Variants in RNF214 observed in about 807,000 individuals in gnomAD.
The protein encoded by RNF214 is ring finger protein 214.
RNF214 carries 25 observed loss-of-function variants against 75.9 expected under a neutral mutation model. The observed-to-expected ratio is 0.33, with a 90% CI of 0.24 to 0.46. RNF214 has a LOEUF of 0.46. Among genes scored for constraint, RNF214 ranks in the 20% least tolerant of loss-of-function variants. RNF214 has a pLI of 1.00. For missense variants in RNF214, 725 were observed against 857.5 expected, an observed-to-expected ratio of 0.85 and a Z score of 1.93; for synonymous variants, 314 against 308.8, an observed-to-expected ratio of 1.02 and a Z score of -0.18.
chr11:117,269,425 G>A (rs2033861943), intron 6 of RNF214, among the ~76,000 whole-genome samples: 1 of 152,120 alleles, frequency 6.6e-6, no homozygotes, highest in Non-Finnish European at 1.5e-5. Flanking sequence ...GCAGTGGCAT[G>A]ATCATGGCTC....
intron 6 of RNF214, among the ~76,000 whole-genome samples, chr11:117,259,249 G>T (rs567499994): frequency 1.3e-5 from 2 of 152,260 alleles, no homozygotes; most frequent in South Asian, 2.1e-4. Flanking sequence ...GAGCTACCGT[G>T]CCCGGCTTTA....
rs1392628531 is a variant in RNF214 at position 117,246,989 on chromosome 11, T to G, written c.959+41T>G. On this transcript the variant is annotated intron_variant, in intron 6 of 14. Coordinates refer to ENST00000300650, the MANE Select transcript of RNF214 (RefSeq NM_207343.4). ...AATAAAAACCCTGTGTGTATGTATA[T>G]ATGCATGAGGGGCCAGACCCGTTTG... 4.1e-6 allele frequency: 6 copies of G among 1,477,772 alleles called. No individual in the cohort carries two copies. In the South Asian group the frequency reaches 8.7e-5, roughly 21 times the overall value. The allele number at this position is 1,477,772 out of a possible 1,614,324, so 91.5% of individuals were successfully genotyped here.
chr11:117,285,490 C>G lies in RNF214; in HGVS notation c.*339C>G. ...AACCACCTAGGAACCTGCTGTTGCT[C>G]TAAGGCCATTCTGCTTTGGTTTGGC... On this transcript the variant is annotated 3_prime_UTR_variant, in exon 15 of 15. Coordinates refer to ENST00000300650, the MANE Select transcript of RNF214 (RefSeq NM_207343.4). 5.3e-6 allele frequency: 1 copy of G among 187,768 alleles called. No homozygotes were observed. The highest frequency in any genetic ancestry group is 1.1e-4 in the South Asian group (1 of 9,396). 11.6% of individuals were successfully genotyped at this position (187,768 alleles called of 1,614,324 possible).
intron 4 of RNF214, 133 bp from the exon 5 acceptor site, chr11:117,244,312 A>T (rs1198221446): frequency 1.5e-6 from 1 of 648,210 alleles, no homozygotes; most frequent in Non-Finnish European, 2.6e-6. Context: ...ATATAGCCAC[A>T]TATGGCTAGT....
chr11:117,240,115 A>G (rs937882606), intron 4 of RNF214, among the ~76,000 whole-genome samples: 13 of 151,208 alleles, frequency 8.6e-5, no homozygotes, highest in African/African-American at 2.9e-4. Context: ...CATTTTGGGA[A>G]GCCGAAGTGG....
At chr11:117,257,709 GAAT>G (rs1565337931) in intron 6 of RNF214, among the ~76,000 whole-genome samples, 1 of 152,084 alleles carries the variant, frequency 6.6e-6, no homozygotes, top group East Asian at 1.9e-4. Flanking sequence ...AAGACAAAAA[GAAT>G]AATGAGAGAA....
chr11:117,281,897 G>A lies in RNF214; in HGVS notation c.1339G>A (p.Asp447Asn), dbSNP rs775076399. The A allele has an allele frequency of 1.9e-6, 3 of 1,612,792 alleles. No homozygotes were observed. In the South Asian group the frequency reaches 3.3e-5, roughly 18 times the overall value. Residue 447 changes from aspartate to asparagine, a missense_variant, in exon 11 of 15, where the codon GAC becomes AAC. By Grantham distance (23) the Asp-to-Asn change is conservative. Around this residue, in one of 2 missense-constraint regions of RNF214, gnomAD observed 363 missense variants for 513.0 expected, o/e 0.71. Transcript: ENST00000300650. ...PTLPPPPSET[D>N]FMLQVFQPSP... ...CTCTACCTCTTCTCCTCTGCAGACA[G>A]ACTTCATGCTTCAGGTGTTTCAACC...
At chr11:117,276,590 C>T (rs1378098958) in intron 6 of RNF214, among the ~76,000 whole-genome samples, 1 of 151,986 alleles carries the variant, frequency 6.6e-6, no homozygotes, top group African/African-American at 2.4e-5. Flanking sequence ...ACAGTGAAAC[C>T]CTCTCTCTAA....
chr11:117,264,820 T>G (rs1377616409), intron 6 of RNF214, among the ~76,000 whole-genome samples: 1 of 152,060 alleles, frequency 6.6e-6, no homozygotes, highest in Non-Finnish European at 1.5e-5. Flanking sequence ...TCTCAGCACT[T>G]TGGGAAGCCA....
intron 6 of RNF214, among the ~76,000 whole-genome samples, chr11:117,278,283 GAC>G (rs1021706897): frequency 6.6e-6 from 1 of 152,168 alleles, no homozygotes; most frequent in African/African-American, 2.4e-5. Context: ...TAGCCTGGGT[GAC>G]AGAGTGAGAC....
rs564228881 is a variant in RNF214, at chr11:117,232,980, C to G, written c.-7+254C>G. Reference sequence around the variant, plus strand: ...CCGAGCCAGCGGCCAGCCTAGCAGTCCCCTGTGGGGGGTGGCCAAGGCCAC... The same window carrying G: ...CCGAGCCAGCGGCCAGCCTAGCAGTGCCCTGTGGGGGGTGGCCAAGGCCAC... On this transcript the variant is annotated intron_variant, in intron 1 of 14. Coordinates refer to ENST00000300650, the MANE Select transcript of RNF214 (RefSeq NM_207343.4). Among the ~76,000 whole-genome samples, 7 of 152,012 alleles carry G rather than the reference C, an allele frequency of 4.6e-5. No homozygotes were observed. The South Asian group carries it at 1.5e-3, about 32-fold the overall frequency.
rs1273142446 is a variant in RNF214, at chr11:117,238,987, G to C, written c.494G>C (p.Arg165Thr). 1.9e-6 allele frequency: 3 copies of C among 1,614,064 alleles called. No homozygotes were observed. In the African/African-American group the frequency reaches 4.0e-5, roughly 22 times the overall value. Residue 165 changes from arginine (R) to threonine (T), a missense_variant, in exon 3 of 15, where the codon AGG becomes ACG. This residue lies in a region of RNF214 where 362 missense variants were observed against 344.5 expected (regional missense o/e 1.05). Coordinates refer to ENST00000300650, the MANE Select transcript of RNF214 (RefSeq NM_207343.4). Reference sequence around the variant, plus strand: ...ACCTCCATCCTAAAGGAAGGTAACAGGGACACAAGCTTGGATTTCCGACCT... The same window carrying C: ...ACCTCCATCCTAAAGGAAGGTAACACGGACACAAGCTTGGATTTCCGACCT... ...PQTSILKEGN[R>T]DTSLDFRPVV...
At chr11:117,275,129 A>G (rs558405335) in intron 6 of RNF214, among the ~76,000 whole-genome samples, 1 of 152,218 alleles carries the variant, frequency 6.6e-6, no homozygotes, top group Non-Finnish European at 1.5e-5. Context: ...ACCTATAGAA[A>G]TTAGAAATTA....
At chr11:117,246,327 A>G (rs1038602150) in intron 5 of RNF214, among the ~76,000 whole-genome samples, 4 of 152,034 alleles carry the variant, frequency 2.6e-5, no homozygotes, top group African/African-American at 9.7e-5. Flanking sequence ...ATCTGTGTGT[A>G]TATGTGTGTG....
chr11:117,278,990 G>C (rs1359651215), intron 6 of RNF214, among the ~76,000 whole-genome samples: 2 of 152,162 alleles, frequency 1.3e-5, no homozygotes, highest in Non-Finnish European at 2.9e-5. Context: ...CCAGCAACTT[G>C]GGAGGCTAAG....
At chr11:117,257,659 CTGAGTT>C (rs2033556168) in intron 6 of RNF214, among the ~76,000 whole-genome samples, 1 of 152,032 alleles carries the variant, frequency 6.6e-6, no homozygotes, top group Non-Finnish European at 1.5e-5. Context: ...GTACTACACT[CTGAGTT>C]ATACTTACAG....
chr11:117,269,432 G>A (rs12270661), intron 6 of RNF214, among the ~76,000 whole-genome samples: 12,928 of 152,064 alleles, frequency 0.085, 702 homozygotes, highest in East Asian at 0.14. Context: ...CATGATCATG[G>A]CTCACCACAG....
At chr11:117,281,065 C>T (rs2034117551) in intron 8 of RNF214, among the ~76,000 whole-genome samples, 1 of 146,176 alleles carries the variant, frequency 6.8e-6, no homozygotes, top group Non-Finnish European at 1.5e-5. Flanking sequence ...ACCTCCATCT[C>T]CTGAGCACAA....
chr11:117,263,647 G>C (rs916825355), intron 6 of RNF214, among the ~76,000 whole-genome samples: 1 of 152,226 alleles, frequency 6.6e-6, no homozygotes, highest in Admixed American at 6.5e-5. Flanking sequence ...TAAAGGGCCA[G>C]ATGATTGACA....
Sources: allele counts gnomAD v4.1 joint callset (sites outside exome capture counted in the v4.1 genomes callset), GRCh38; gene constraint gnomAD v4.1.1; regional missense constraint gnomAD v4.1.1; transcripts MANE v1.5; gene names NCBI Gene and HGNC (gene_info 2026-07-23, HGNC 2026-07-21).